The following AKAP13 variants were observed in gnomAD, a reference collection of about 807,000 sequenced individuals.
AKAP13 encodes the protein A-kinase anchoring protein 13.
Under a neutral mutation model 264.5 loss-of-function variants are expected in AKAP13, and 80 were observed. The observed-to-expected ratio is 0.30, with a 90% CI of 0.25 to 0.36. AKAP13 has a LOEUF of 0.36. Ranked by LOEUF, AKAP13 falls within the 10% of genes least tolerant of loss-of-function variation. AKAP13 has a pLI of 1.00. For missense variants in AKAP13, 3,712 were observed against 3,435.2 expected, an observed-to-expected ratio of 1.08 and a Z score of -2.01; for synonymous variants, 1,380 against 1,250.2, an observed-to-expected ratio of 1.10 and a Z score of -2.19.
chr15:85,418,264 A>G (rs763505803), intron 1 of AKAP13, among the ~76,000 whole-genome samples: 9 of 151,822 alleles, frequency 5.9e-5, no homozygotes, highest in Non-Finnish European at 1.3e-4. Context: ...TTTGTTTTGT[A>G]TAGACAGGGT....
chr15:85,744,249 T>C (rs910125825), intron 36 of AKAP13: 2 of 301,152 alleles, frequency 6.6e-6, no homozygotes, highest in Non-Finnish European at 1.2e-5. Context: ...GGCTAACTAA[T>C]GTGCCAGCGG....
At chr15:85,603,431 A>T (rs2080180747) in intron 8 of AKAP13, among the ~76,000 whole-genome samples, 1 of 152,256 alleles carries the variant, frequency 6.6e-6, no homozygotes, top group Non-Finnish European at 1.5e-5. Context: ...TTACTATGAA[A>T]ATAGTTTTGA....
At chr15:85,449,346 G>A (rs904549461) in intron 1 of AKAP13, among the ~76,000 whole-genome samples, 35 of 152,050 alleles carry the variant, frequency 2.3e-4, no homozygotes, top group African/African-American at 7.7e-4. Context: ...ATGGGGTTTT[G>A]TAGATACAGA....
chr15:85,413,974 A>G (rs1226396358), intron 1 of AKAP13, among the ~76,000 whole-genome samples: 2 of 152,334 alleles, frequency 1.3e-5, no homozygotes, highest in East Asian at 3.9e-4. Context: ...TACTCATTCA[A>G]CTTTCATTGT....
At chr15:85,688,580 A>G (rs747684021) in intron 16 of AKAP13, among the ~76,000 whole-genome samples, 1 of 152,218 alleles carries the variant, frequency 6.6e-6, no homozygotes, top group Non-Finnish European at 1.5e-5. Context: ...ATTAACCTAG[A>G]TATATTCCAT....
Position 85,514,921 on chromosome 15 carries a change from G to A in AKAP13, c.34-6507G>A, listed in dbSNP as rs186817857. ...TGTAATAACACTCAGTTTTTATTTA[G>A]TTTACTTAACTCTCTTGTTTCACTT... On this transcript the variant is annotated intron_variant, in intron 2 of 36. Coordinates refer to ENST00000394518, the MANE Select transcript of AKAP13 (RefSeq NM_007200.5). Among the ~76,000 whole-genome samples, 320 of 135,260 alleles carry A rather than the reference G, an allele frequency of 2.4e-3. 48 individuals are homozygous for A. Among genetic ancestry groups the A allele is most frequent in the Admixed American group, 7.3e-3 (97 of 13,320 alleles). 88.7% of individuals were successfully genotyped at this position (135,260 alleles called of 152,430 possible).
chr15:85,689,481 T>TA (rs938426873), intron 16 of AKAP13, among the ~76,000 whole-genome samples: 5 of 152,226 alleles, frequency 3.3e-5, no homozygotes, highest in African/African-American at 9.6e-5. Context: ...GTGCAGTTGT[T>TA]ACCTGCATCT....
At chr15:85,584,224 T>C (rs1176619769) in intron 7 of AKAP13, among the ~76,000 whole-genome samples, 1 of 152,204 alleles carries the variant, frequency 6.6e-6, no homozygotes, top group Non-Finnish European at 1.5e-5. Context: ...AAGAAGGGGA[T>C]GTGGCCCTTG....
rs758053849 is a variant in AKAP13 at position 85,743,657 on chromosome 15, G to A, written c.8224G>A (p.Gly2742Arg). The A allele has an allele frequency of 5.6e-6, 9 of 1,614,010 alleles. No individual in the cohort carries two copies. Among genetic ancestry groups the A allele is most frequent in the Non-Finnish European group, 7.6e-6 (9 of 1,180,036 alleles). Residue 2742 changes from glycine (G) to arginine (R), a missense_variant, in exon 36 of 37, where the codon GGG (glycine) becomes AGG (arginine). By Grantham distance (125) the Gly-to-Arg change is moderately radical. Around this residue, in one of 3 missense-constraint regions of AKAP13, gnomAD observed 611 missense variants for 539.3 expected, o/e 1.13. Coordinates refer to ENST00000394518, the MANE Select transcript of AKAP13 (RefSeq NM_007200.5). Reference protein sequence around the residue: ...NSISRTHKDKGPFHILSSTSQ... With the variant: ...NSISRTHKDKRPFHILSSTSQ... ...CATCTCTCGGACACACAAAGATAAG[G>A]GGCCTTTTCACATACTGAGTTCAAC... is the stretch of plus-strand genomic sequence containing the variant.
intron 1 of AKAP13, among the ~76,000 whole-genome samples, chr15:85,463,506 C>G (rs1292715518): frequency 6.6e-6 from 1 of 152,178 alleles, no homozygotes; most frequent in Non-Finnish European, 1.5e-5. Flanking sequence ...TAAATTGCAG[C>G]CAGGACTAAA....
intron 1 of AKAP13, among the ~76,000 whole-genome samples, chr15:85,388,624 T>A (rs1283218725): frequency 6.6e-6 from 1 of 152,248 alleles, no homozygotes; most frequent in Admixed American, 6.5e-5. Flanking sequence ...CATAATCATA[T>A]GTTTTTTCTT....
At chr15:85,442,704 A>G (rs1174759179) in intron 1 of AKAP13, among the ~76,000 whole-genome samples, 1 of 151,388 alleles carries the variant, frequency 6.6e-6, no homozygotes, top group Non-Finnish European at 1.5e-5. Context: ...TTCCCCTATC[A>G]TTGCCATCCT....
At position 85,602,327 on chromosome 15, in the gene AKAP13, C is replaced by A. The variant is rs544452690; in HGVS notation, c.4161+16504C>A. Among the ~76,000 whole-genome samples the A allele has an allele frequency of 3.3e-5, 5 of 152,058 alleles. 1 individual carries two copies. The South Asian group carries it at 1.0e-3, about 32-fold the overall frequency. On this transcript the variant is annotated intron_variant, in intron 8 of 36. Transcript: ENST00000394518. ...AGTAGCTGAGATTACAGGCGTGCGTCACCATGCCCAGCTAATTTTTGTATT... is the reference window on the plus strand; with the variant it reads ...AGTAGCTGAGATTACAGGCGTGCGTAACCATGCCCAGCTAATTTTTGTATT...
chr15:85,445,548 G>A (rs898891803), intron 1 of AKAP13, among the ~76,000 whole-genome samples: 1 of 152,178 alleles, frequency 6.6e-6, no homozygotes, highest in African/African-American at 2.4e-5. Flanking sequence ...TATTATGGAA[G>A]TAGTTTATAT....
chr15:85,414,607 G>A (rs1204204722), intron 1 of AKAP13, among the ~76,000 whole-genome samples: 1 of 152,166 alleles, frequency 6.6e-6, no homozygotes, highest in Non-Finnish European at 1.5e-5. Context: ...TTTGAAAAGG[G>A]TGAGGGAGCT....
rs933482558 is a variant in AKAP13, at chr15:85,650,780, A to C, written c.4375-4637A>C. ...CAAAAAAAAAAAAAAAAAAAAAAAAAAAAAAAAAAACAACAAAAACTGCAA... is the reference window on the plus strand; with the variant it reads ...CAAAAAAAAAAAAAAAAAAAAAAAACAAAAAAAAAACAACAAAAACTGCAA... On this transcript the variant is annotated intron_variant, in intron 10 of 36. Transcript: ENST00000394518. 6.2e-5 allele frequency among the ~76,000 whole-genome samples: 9 copies of C among 145,896 alleles called. No homozygotes were observed. The South Asian group carries it at 1.1e-3, about 17-fold the overall frequency.
intron 4 of AKAP13, among the ~76,000 whole-genome samples, chr15:85,538,410 A>G (rs938421559): frequency 3.3e-5 from 5 of 151,912 alleles, no homozygotes; most frequent in Non-Finnish European, 5.9e-5. Flanking sequence ...TACATCTGAT[A>G]TTGGTTAATA....
intron 8 of AKAP13, among the ~76,000 whole-genome samples, chr15:85,636,171 G>C (rs897399796): frequency 2.6e-5 from 4 of 151,904 alleles, no homozygotes; most frequent in Non-Finnish European, 5.9e-5. Flanking sequence ...ATTTATTGAG[G>C]CTTTTGTAAA....
intron 26 of AKAP13, among the ~76,000 whole-genome samples, chr15:85,723,973 A>G (rs543291670): frequency 1.3e-5 from 2 of 152,218 alleles, no homozygotes; most frequent in Non-Finnish European, 2.9e-5. Flanking sequence ...TTTTTAATTT[A>G]TGTGTACATT....
Sources: gnomAD v4.1 joint callset for allele counts (sites outside exome capture counted in the v4.1 genomes callset) on GRCh38, gnomAD v4.1.1 for gene constraint, gnomAD v4.1.1 regional missense constraint, MANE v1.5 for transcripts, NCBI Gene and HGNC (gene_info 2026-07-23, HGNC 2026-07-21) for gene names.